The following RBM46 variants were observed in gnomAD, a reference collection of about 807,000 sequenced individuals.
The protein encoded by RBM46 is probable RNA-binding protein 46.
A neutral mutation model predicts 43.3 loss-of-function variants in RBM46; 12 were observed. That is an observed-to-expected ratio of 0.28 (90% CI 0.18 to 0.45). The LOEUF (loss-of-function observed/expected upper bound fraction) is 0.45, where lower values mean the gene tolerates loss of function less well. RBM46 is among the 20% of genes least tolerant of loss of function. RBM46 has a pLI of 1.00. For missense variants in RBM46, 412 were observed against 639.1 expected (o/e 0.64, Z 3.83); for synonymous variants, 205 against 207.6 (o/e 0.99, Z 0.11).
intron 4 of RBM46, chr4:154,826,793 ACT>A: frequency 6.7e-7 from 1 of 1,483,618 alleles, no homozygotes; most frequent in Non-Finnish European, 8.9e-7. Flanking sequence ...GCTTGAGCTT[ACT>A]CTCCTGCAGT....
chr4:154,805,044 G>C (rs958166739), intron 4 of RBM46, among the ~76,000 whole-genome samples: 1 of 152,072 alleles, frequency 6.6e-6, no homozygotes, highest in Non-Finnish European at 1.5e-5. Context: ...CCTTTGCAGA[G>C]TTTGTGTCAG....
intron 1 of RBM46, among the ~76,000 whole-genome samples, chr4:154,792,201 C>T (rs377347415): frequency 3.9e-5 from 6 of 152,094 alleles, no homozygotes; most frequent in Admixed American, 6.5e-5. Context: ...CTCTTAGTCT[C>T]GTTTTATGTA....
At chr4:154,811,428 T>C (rs1560907186) in intron 4 of RBM46, among the ~76,000 whole-genome samples, 1 of 152,116 alleles carries the variant, frequency 6.6e-6, no homozygotes, top group Non-Finnish European at 1.5e-5. Flanking sequence ...ATGTATTAAA[T>C]GAGTTAAAAT....
intron 4 of RBM46, among the ~76,000 whole-genome samples, chr4:154,808,435 C>T (rs919417762): frequency 5.9e-5 from 9 of 151,826 alleles, no homozygotes; most frequent in Non-Finnish European, 1.3e-4. Flanking sequence ...AGACCGAAGC[C>T]CATTTACTTA....
At chr4:154,782,295 T>C (rs779446024) in intron 1 of RBM46, among the ~76,000 whole-genome samples, 2 of 152,250 alleles carry the variant, frequency 1.3e-5, no homozygotes, top group African/African-American at 2.4e-5. Flanking sequence ...TTCTGAGATA[T>C]TGCGAAGCTG....
At chr4:154,817,184 A>G (rs953644993) in intron 4 of RBM46, among the ~76,000 whole-genome samples, 7 of 152,140 alleles carry the variant, frequency 4.6e-5, no homozygotes, top group East Asian at 1.9e-4. Context: ...AAGAATTTAT[A>G]TAAGATTGGT....
chr4:154,781,706 C>T (rs914581433), intron 1 of RBM46: 2 of 152,520 alleles, frequency 1.3e-5, no homozygotes, highest in Non-Finnish European at 2.9e-5. Flanking sequence ...TTTGGGGCGT[C>T]TGGCGGCCTC....
Position 154,828,070 on chromosome 4 carries a change from A to T in RBM46, c.*3A>T. 1 of 1,587,520 alleles carries T rather than the reference A, an allele frequency of 6.3e-7. No individual in the cohort carries two copies. The highest frequency in any genetic ancestry group is 1.1e-5 in the South Asian group (1 of 90,494). On this transcript the variant is annotated 3_prime_UTR_variant, in exon 5 of 5. Coordinates refer to ENST00000281722, the MANE Select transcript of RBM46 (RefSeq NM_144979.5). ...CCAATCAGGCCTCCTTCTTCTGAAG[A>T]AAATACTAACATTAGTATGAAAATT... is the stretch of plus-strand genomic sequence containing the variant.
chr4:154,790,361 A>G (rs935048095), intron 1 of RBM46: 9 of 152,028 alleles, frequency 5.9e-5, no homozygotes, highest in Non-Finnish European at 1.0e-4. Context: ...AGGGATTCTG[A>G]TATGTTGTGC....
At chr4:154,783,334 G>A (rs1733598622) in intron 1 of RBM46, among the ~76,000 whole-genome samples, 1 of 152,130 alleles carries the variant, frequency 6.6e-6, no homozygotes. Context: ...TTAATAACGA[G>A]AACAAACCCA....
intron 3 of RBM46, 70 bp from the exon 4 acceptor site, chr4:154,798,712 G>A (rs1338835772): frequency 8.2e-7 from 1 of 1,213,780 alleles, no homozygotes; most frequent in Non-Finnish European, 1.1e-6. Flanking sequence ...TGGGGAAACA[G>A]TTTTACTGAA....
At chr4:154,827,245 A>G (rs1486279811) in intron 4 of RBM46, 3 of 921,266 alleles carry the variant, frequency 3.3e-6, no homozygotes, top group Middle Eastern at 5.6e-4. Flanking sequence ...TGAAGTAACT[A>G]TAAGTTGATA....
At chr4:154,792,095 G>T (rs542103565) in intron 1 of RBM46, among the ~76,000 whole-genome samples, 32 of 152,230 alleles carry the variant, frequency 2.1e-4, no homozygotes, top group African/African-American at 7.0e-4. Flanking sequence ...AATTAGAGTA[G>T]TACAAGTAGG....
chr4:154,816,914 A>G (rs1735472260), intron 4 of RBM46, among the ~76,000 whole-genome samples: 2 of 152,044 alleles, frequency 1.3e-5, no homozygotes, highest in Admixed American at 6.6e-5. Flanking sequence ...ACTTTTTTGC[A>G]TCTAGTTAAT....
At chr4:154,783,031 A>G (rs950511562) in intron 1 of RBM46, among the ~76,000 whole-genome samples, 1 of 152,194 alleles carries the variant, frequency 6.6e-6, no homozygotes, top group African/African-American at 2.4e-5. Flanking sequence ...TGGGGGTCTA[A>G]TAATAGACTT....
chr4:154,809,413 TTA>T (rs930766514), intron 4 of RBM46, among the ~76,000 whole-genome samples: 48 of 152,254 alleles, frequency 3.2e-4, no homozygotes, highest in Admixed American at 5.9e-4. Context: ...ATTTTTAATT[TTA>T]GTTTTTTTAT....
intron 4 of RBM46, among the ~76,000 whole-genome samples, chr4:154,816,846 CT>C (rs1443432776): frequency 6.6e-6 from 1 of 152,086 alleles, no homozygotes; most frequent in African/African-American, 2.4e-5. Context: ...AAGATACTCT[CT>C]TTTATTCCTG....
chr4:154,814,997 T>C (rs1325942272), intron 4 of RBM46, among the ~76,000 whole-genome samples: 2 of 152,042 alleles, frequency 1.3e-5, no homozygotes, highest in East Asian at 1.9e-4. Flanking sequence ...AAAAGACTCT[T>C]TTGTATTTTC....
chr4:154,808,299 A>C (rs566596709), intron 4 of RBM46, among the ~76,000 whole-genome samples: 1 of 151,940 alleles, frequency 6.6e-6, no homozygotes, highest in Non-Finnish European at 1.5e-5. Context: ...TTGTTGACCT[A>C]TGCTTTACTT....
Sources: gnomAD v4.1 joint callset for allele counts (sites outside exome capture counted in the v4.1 genomes callset) on GRCh38, gnomAD v4.1.1 for gene constraint, MANE v1.5 for transcripts, NCBI Gene and HGNC (gene_info 2026-07-23, HGNC 2026-07-21) for gene names.